Variants in GRIA2 observed in about 807,000 individuals in gnomAD.
GRIA2 encodes glutamate ionotropic receptor AMPA type subunit 2.
A neutral mutation model predicts 97.3 loss-of-function variants in GRIA2; 14 were observed. The ratio of observed to expected loss-of-function variants is 0.14; its 90% CI spans 0.10 to 0.23. GRIA2 has a LOEUF of 0.23. GRIA2 is among the 10% of genes least tolerant of loss of function. The pLI, the probability that GRIA2 is intolerant of heterozygous loss-of-function variation, is 1.00. For synonymous variants in GRIA2, 412 were observed against 387.8 expected, an observed-to-expected ratio of 1.06 and a Z score of -0.73; for missense variants, 558 against 1,069.8, an observed-to-expected ratio of 0.52 and a Z score of 6.67.
At chr4:157,241,650 G>A (rs571212039) in intron 2 of GRIA2, among the ~76,000 whole-genome samples, 57 of 152,066 alleles carry the variant, frequency 3.7e-4, no homozygotes, top group African/African-American at 1.2e-3. Context: ...ATTAGATAGC[G>A]TTCATCTGTT....
chr4:157,309,339 A>G (rs905151414), intron 3 of GRIA2, among the ~76,000 whole-genome samples: 2 of 151,556 alleles, frequency 1.3e-5, no homozygotes, highest in African/African-American at 4.8e-5. Context: ...AAAGTCAGAG[A>G]AATTTCTTGG....
intron 4 of GRIA2, among the ~76,000 whole-genome samples, chr4:157,315,786 G>T (rs772913608): frequency 7.9e-5 from 12 of 152,126 alleles, no homozygotes; most frequent in African/African-American, 2.6e-4. Context: ...TGATCTGCCC[G>T]CCTTGGCCTC....
chr4:157,286,364 C>T (rs1159119782), intron 2 of GRIA2, among the ~76,000 whole-genome samples: 1 of 151,380 alleles, frequency 6.6e-6, no homozygotes, highest in East Asian at 1.9e-4. Context: ...TGATCTTGGA[C>T]AAGTTATTTA....
At chr4:157,328,144 A>T (rs541105470) in intron 6 of GRIA2, among the ~76,000 whole-genome samples, 1 of 152,260 alleles carries the variant, frequency 6.6e-6, no homozygotes, top group South Asian at 2.1e-4. Flanking sequence ...AAAAATATGT[A>T]TATCACACCA....
chr4:157,358,817 A>G (rs1736507676), intron 12 of GRIA2, among the ~76,000 whole-genome samples: 1 of 152,182 alleles, frequency 6.6e-6, no homozygotes, highest in African/African-American at 2.4e-5. Flanking sequence ...TCAGAGCAGT[A>G]TTATAAACCA....
chr4:157,272,506 A>G lies in GRIA2; in HGVS notation c.230-31046A>G, dbSNP rs544375519. On this transcript the variant is annotated intron_variant, in intron 2 of 15. Transcript: ENST00000264426. ...AAATTGTTGCAGGCTCAGTGTGGAT[A>G]AATCTTTGAGTTAAAAACTCCAGGG... 1.9e-4 allele frequency among the ~76,000 whole-genome samples: 29 copies of G among 152,116 alleles called. No homozygotes were observed. In the South Asian group the frequency reaches 3.3e-3, roughly 17 times the overall value.
rs1736644814 is a variant in GRIA2, at chr4:157,361,837, T to G, written c.2406+713T>G. On this transcript the variant is annotated intron_variant, in intron 14 of 15. Coordinates refer to ENST00000264426, the MANE Select transcript of GRIA2 (RefSeq NM_001083619.3). The surrounding 1 kb of genome is among the most constrained non-coding windows in gnomAD (Gnocchi z 5.2). ...AGTTACTGATTTGTTGTTTTTATTT[T>G]ATTTTAAATATAGTATATGCATTTA... 6.6e-6 allele frequency among the ~76,000 whole-genome samples: 1 copy of G among 152,190 alleles called. No homozygotes were observed. Among genetic ancestry groups the G allele is most frequent in the African/African-American group, 2.4e-5 (1 of 41,460 alleles).
intron 10 of GRIA2, 91 bp downstream of exon 10, chr4:157,335,968 G>A (rs1349231379): frequency 1.2e-6 from 1 of 836,200 alleles, no homozygotes; most frequent in African/African-American, 1.7e-5. Context: ...CTATATCTGA[G>A]GTTGTTGATT....
rs931989582 is a variant in GRIA2 at position 157,267,864 on chromosome 4, T to G, written c.230-35688T>G. ...TGAAACAATCTCAACTCTTGAATTT[T>G]TTATGTAATGCATTTAAAGGAACTC... is the stretch of plus-strand genomic sequence containing the variant. On this transcript the variant is annotated intron_variant, in intron 2 of 15. Transcript: ENST00000264426. Among the ~76,000 whole-genome samples the G allele has an allele frequency of 5.9e-4, 90 of 152,098 alleles. 1 individual carries two copies. The highest frequency in any genetic ancestry group is 2.6e-4 in the Non-Finnish European group (18 of 68,014).
chr4:157,273,135 A>C (rs541945988), intron 2 of GRIA2, among the ~76,000 whole-genome samples: 1 of 152,254 alleles, frequency 6.6e-6, no homozygotes, highest in East Asian at 1.9e-4. Flanking sequence ...TATATTAGTT[A>C]TTATAAGTAA....
In GRIA2 at chr4:157,267,362, A is replaced by G. The variant is rs370517357; in HGVS notation, c.230-36190A>G. ...AGCTGAGATCACACCACTGCACTCC[A>G]GCCTGGGTGACAGAGTGAGACTCCA... On this transcript the variant is annotated intron_variant, in intron 2 of 15. Coordinates refer to ENST00000264426, the MANE Select transcript of GRIA2 (RefSeq NM_001083619.3). 8.8e-5 allele frequency among the ~76,000 whole-genome samples: 13 copies of G among 147,584 alleles called. No individual in the cohort carries two copies. In the East Asian group the frequency reaches 2.4e-3, roughly 28 times the overall value.
intron 2 of GRIA2, among the ~76,000 whole-genome samples, chr4:157,229,204 C>T (rs561625041): frequency 5.3e-5 from 8 of 152,104 alleles, no homozygotes; most frequent in African/African-American, 1.9e-4. Context: ...ATTTTGTATG[C>T]GTATCCTTAT....
chr4:157,226,246 G>T (rs1165071952), intron 2 of GRIA2, among the ~76,000 whole-genome samples: 2 of 151,998 alleles, frequency 1.3e-5, no homozygotes, highest in East Asian at 3.8e-4. Flanking sequence ...AGATGGAGAT[G>T]TTGGAGAAAA....
chr4:157,220,302 A>T (rs900669175), upstream of GRIA2: 7 of 152,204 alleles, frequency 4.6e-5, no homozygotes, highest in Non-Finnish European at 1.0e-4. Context: ...GCAGCCGGAG[A>T]TCAGCTTTGC....
chr4:157,269,517 A>G (rs1007231601), intron 2 of GRIA2, among the ~76,000 whole-genome samples: 2 of 152,060 alleles, frequency 1.3e-5, no homozygotes, highest in Non-Finnish European at 2.9e-5. Context: ...CTCAAAGGGA[A>G]CTAAGAGATG....
At chr4:157,303,496 T>A in intron 2 of GRIA2, 56 bp from the exon 3 acceptor site, 1 of 1,520,858 alleles carries the variant, frequency 6.6e-7, no homozygotes. Flanking sequence ...AGCAAATTCA[T>A]ATGATTGTGT....
intron 3 of GRIA2, among the ~76,000 whole-genome samples, chr4:157,306,750 T>G (rs1339300575): frequency 6.6e-6 from 1 of 152,232 alleles, no homozygotes; most frequent in Non-Finnish European, 1.5e-5. Context: ...GACTTAATTT[T>G]TATGGCTTTG....
In GRIA2 at chr4:157,315,379, A is replaced by G; in HGVS notation, c.667-2279A>G. Among the ~76,000 whole-genome samples the G allele has an allele frequency of 1.8e-5, 2 of 109,678 alleles. 1 individual carries two copies. The highest frequency in any genetic ancestry group is 5.6e-4 in the East Asian group (2 of 3,598). 72.0% of individuals were successfully genotyped at this position (109,678 alleles called of 152,430 possible). On this transcript the variant is annotated intron_variant, in intron 4 of 15. Transcript: ENST00000264426. ...AAAAATGAGGATAAGGTACATTCCA[A>G]AAAAAAAAAAAAAGAAACAATGTTT...
Position 157,362,968 on chromosome 4 carries a change from C to T in GRIA2, c.2576C>T (p.Ser859Phe). 6.2e-7 allele frequency: 1 copy of T among 1,613,456 alleles called. No homozygotes were observed. The highest frequency in any genetic ancestry group is 8.5e-7 in the Non-Finnish European group (1 of 1,179,538). Residue 859 changes from serine (S) to phenylalanine (F), a missense_variant, in exon 15 of 16, where the codon TCC becomes TTC. Ser to Phe is a radical substitution (Grantham distance 155). Around this residue, in one of 8 missense-constraint regions of GRIA2, gnomAD observed 54 missense variants for 82.1 expected, o/e 0.66. Coordinates refer to ENST00000264426, the MANE Select transcript of GRIA2 (RefSeq NM_001083619.3). ...AATGCACAGAATATTAACCCATCTT[C>T]CTCGCAGAATTCACAGAATTTTGCA... ...AKNAQNINPS[S>F]SQNSQNFATY...
Sources: allele counts gnomAD v4.1 joint callset (sites outside exome capture counted in the v4.1 genomes callset), GRCh38; gene constraint gnomAD v4.1.1; regional missense constraint gnomAD v4.1.1; non-coding constraint Gnocchi (gnomAD v3.1); transcripts MANE v1.5; gene names NCBI Gene and HGNC (gene_info 2026-07-23, HGNC 2026-07-21).